Variants in FBXL7 observed in about 807,000 individuals in gnomAD.
FBXL7 encodes F-box and leucine rich repeat protein 7.
Under a neutral mutation model 38.3 loss-of-function variants are expected in FBXL7, and 12 were observed. The observed-to-expected ratio is 0.31, with a 90% CI of 0.20 to 0.51. The LOEUF (loss-of-function observed/expected upper bound fraction) is 0.51. Among genes scored for constraint, FBXL7 ranks in the 20% least tolerant of loss-of-function variants. The pLI, the probability that FBXL7 is intolerant of heterozygous loss-of-function variation, is 0.98. For synonymous variants in FBXL7, 297 were observed against 300.9 expected, an observed-to-expected ratio of 0.99 and a Z score of 0.13; for missense variants, 567 against 676.4, an observed-to-expected ratio of 0.84 and a Z score of 1.79.
At chr5:15,859,906 G>C (rs940148609) in intron 2 of FBXL7, among the ~76,000 whole-genome samples, 5 of 152,182 alleles carry the variant, frequency 3.3e-5, no homozygotes, top group African/African-American at 1.2e-4. Flanking sequence ...CACAATTTGT[G>C]AATGGTAGAG....
At chr5:15,634,964 C>T (rs901194987) in intron 2 of FBXL7, among the ~76,000 whole-genome samples, 8 of 152,088 alleles carry the variant, frequency 5.3e-5, no homozygotes, top group Non-Finnish European at 8.8e-5. Context: ...TCTTGAATCA[C>T]ATCTGCAAGT....
intron 1 of FBXL7, among the ~76,000 whole-genome samples, chr5:15,592,848 A>G (rs1739523145): frequency 6.6e-6 from 1 of 152,204 alleles, no homozygotes; most frequent in Non-Finnish European, 1.5e-5. Flanking sequence ...TTTACCTCAG[A>G]TTTTAGCCTC....
intron 2 of FBXL7, among the ~76,000 whole-genome samples, chr5:15,807,826 T>G (rs1737756810): frequency 6.6e-6 from 1 of 152,118 alleles, no homozygotes; most frequent in Admixed American, 6.5e-5. Flanking sequence ...CAGAAGCAAT[T>G]CAGTGTTGAT....
intron 2 of FBXL7, among the ~76,000 whole-genome samples, chr5:15,648,295 T>C (rs891091701): frequency 1.3e-4 from 20 of 152,182 alleles, no homozygotes; most frequent in African/African-American, 4.6e-4. Context: ...TTAATTTACA[T>C]GTGAGTTGGA....
In FBXL7 at chr5:15,939,270, G is replaced by T. The variant is rs918913340; in HGVS notation, c.*2084G>T. 1.0e-5 allele frequency: 4 copies of T among 383,634 alleles called. No individual in the cohort carries two copies. Among genetic ancestry groups the T allele is most frequent in the Non-Finnish European group, 1.8e-5 (4 of 217,150 alleles). 23.8% of individuals were successfully genotyped at this position (383,634 alleles called of 1,614,324 possible). A position where few individuals can be genotyped will look rare whatever the true frequency, so the allele number is the denominator to read the frequency against. ...AAAACCATGAAAGAAGTTGAAGGCA[G>T]CATTCCTCAGCTCTGTGACTTGTGA... is the stretch of plus-strand genomic sequence containing the variant. On this transcript the variant is annotated 3_prime_UTR_variant, in exon 4 of 4. Transcript: ENST00000504595.
intron 2 of FBXL7, among the ~76,000 whole-genome samples, chr5:15,897,030 A>G (rs1395147116): frequency 1.3e-5 from 2 of 152,180 alleles, no homozygotes; most frequent in African/African-American, 2.4e-5. Context: ...GCTGCTCTGG[A>G]GGGTGAGGCA....
chr5:15,546,237 C>G (rs1024315695), intron 1 of FBXL7, among the ~76,000 whole-genome samples: 1 of 151,402 alleles, frequency 6.6e-6, no homozygotes, highest in Non-Finnish European at 1.5e-5. Flanking sequence ...TGAGACCATT[C>G]TGGCCAACAT....
intron 2 of FBXL7, among the ~76,000 whole-genome samples, chr5:15,732,251 T>C (rs1206371850): frequency 6.6e-6 from 1 of 152,216 alleles, no homozygotes; most frequent in Non-Finnish European, 1.5e-5. Context: ...AATGAGGCCA[T>C]GCCAATAATT....
intron 2 of FBXL7, among the ~76,000 whole-genome samples, chr5:15,677,128 G>T (rs1358161376): frequency 6.6e-6 from 1 of 152,180 alleles, no homozygotes; most frequent in African/African-American, 2.4e-5. Context: ...TAACCCTGCT[G>T]TTCTTTTTGG....
intron 2 of FBXL7, among the ~76,000 whole-genome samples, chr5:15,648,968 T>C (rs1741622594): frequency 6.6e-6 from 1 of 151,902 alleles, no homozygotes; most frequent in Non-Finnish European, 1.5e-5. Flanking sequence ...TTTCCTTTCC[T>C]GATCTACTTA....
In FBXL7 at chr5:15,937,116, AGGCCCT is replaced by A; in HGVS notation, c.1408_1413del (p.Ala470_Leu471del). The A allele has an allele frequency of 6.2e-7, 1 of 1,613,478 alleles. No homozygotes were observed. The stretch of plus-strand genomic sequence containing the variant: ...GTCCAGGACTGCGAGGTCTCCGTGG[AGGCCCT>A]GCGCTTTGTCAAACGCCACTGCAAG... On this transcript the variant is annotated inframe_deletion, in exon 4 of 4. Transcript: ENST00000504595.
chr5:15,927,673 G>A (rs1741912077), intron 2 of FBXL7, among the ~76,000 whole-genome samples: 1 of 149,764 alleles, frequency 6.7e-6, no homozygotes, highest in East Asian at 2.0e-4. Context: ...TACTCGGGAG[G>A]CTGAGTCAGG....
At chr5:15,501,002 C>T (rs560376245) in intron 1 of FBXL7, among the ~76,000 whole-genome samples, 6 of 152,288 alleles carry the variant, frequency 3.9e-5, no homozygotes, top group South Asian at 2.1e-4. Flanking sequence ...CTTAACCTTC[C>T]TTCCCTGGGC....
At chr5:15,895,108 GT>G (rs1741052960) in intron 2 of FBXL7, among the ~76,000 whole-genome samples, 1 of 152,066 alleles carries the variant, frequency 6.6e-6, no homozygotes, top group Admixed American at 6.6e-5. Context: ...TATTCTACTC[GT>G]TAATCTGTTA....
chr5:15,702,401 G>C (rs1057513786), intron 2 of FBXL7, among the ~76,000 whole-genome samples: 2 of 152,144 alleles, frequency 1.3e-5, no homozygotes, highest in Non-Finnish European at 2.9e-5. Flanking sequence ...GGCATTGAAA[G>C]ACAACAAAGT....
chr5:15,501,640 A>G (rs1025137767), intron 1 of FBXL7: 14 of 985,406 alleles, frequency 1.4e-5, no homozygotes, highest in Non-Finnish European at 1.7e-5. Context: ...GCAGACTGGT[A>G]GGAATGCAGG....
At chr5:15,725,249 A>T (rs1271363972) in intron 2 of FBXL7, among the ~76,000 whole-genome samples, 1 of 151,950 alleles carries the variant, frequency 6.6e-6, no homozygotes, top group South Asian at 2.1e-4. Flanking sequence ...GATCTTTCTT[A>T]TTTTTTAATA....
At chr5:15,832,211 C>A (rs971404830) in intron 2 of FBXL7, among the ~76,000 whole-genome samples, 1 of 152,136 alleles carries the variant, frequency 6.6e-6, no homozygotes, top group Admixed American at 6.5e-5. Flanking sequence ...TCCCTGAGGG[C>A]AGTACATGGA....
chr5:15,562,079 A>G (rs1044139570), intron 1 of FBXL7, among the ~76,000 whole-genome samples: 1 of 152,084 alleles, frequency 6.6e-6, no homozygotes, highest in African/African-American at 2.4e-5. Flanking sequence ...TAACCTGCAA[A>G]AGAATGAATC....
Sources: allele counts gnomAD v4.1 joint callset (sites outside exome capture counted in the v4.1 genomes callset), GRCh38; gene constraint gnomAD v4.1.1; transcripts MANE v1.5; gene names NCBI Gene and HGNC (gene_info 2026-07-23, HGNC 2026-07-21).